The following MOV10L1 variants were observed in gnomAD, a reference collection of about 807,000 sequenced individuals.
The protein encoded by MOV10L1 is Mov10 like RNA helicase 1, also known as RNA helicase Mov10l1.
Under a neutral mutation model 143.8 loss-of-function variants are expected in MOV10L1, and 110 were observed. The ratio of observed to expected loss-of-function variants is 0.76; its 90% CI spans 0.66 to 0.90. MOV10L1 has a LOEUF of 0.90. MOV10L1 is among the 40% of genes least tolerant of loss of function. The pLI is 0.00. For synonymous variants in MOV10L1, 593 were observed against 581.1 expected, an observed-to-expected ratio of 1.02 and a Z score of -0.29; for missense variants, 1,406 against 1,526.8, an observed-to-expected ratio of 0.92 and a Z score of 1.32.
intron 2 of MOV10L1, among the ~76,000 whole-genome samples, chr22:50,096,833 T>C (rs1474066543): frequency 2.0e-5 from 3 of 152,196 alleles, no homozygotes; most frequent in Non-Finnish European, 2.9e-5. Context: ...TTAGGTTGTT[T>C]TCTTGTAGTA....
intron 22 of MOV10L1, among the ~76,000 whole-genome samples, chr22:50,157,006 C>T (rs8135747): frequency 0.044 from 6,695 of 152,260 alleles, 221 homozygotes; most frequent in African/African-American, 0.085. Context: ...TCCCCACATC[C>T]TCACCACCAC....
intron 1 of MOV10L1, among the ~76,000 whole-genome samples, chr22:50,091,701 A>G (rs917150340): frequency 2.0e-5 from 3 of 152,182 alleles, no homozygotes; most frequent in Non-Finnish European, 4.4e-5. Flanking sequence ...GGGTTACACC[A>G]ATGGCAGTAG....
chr22:50,108,614 A>T, intron 4 of MOV10L1, 43 bp from the exon 5 acceptor site: 1 of 1,606,152 alleles, frequency 6.2e-7, no homozygotes, highest in Middle Eastern at 1.7e-4. Context: ...CCCTGTCGTC[A>T]TGCAGCATCT....
chr22:50,153,301 G>A (rs2063344973), intron 22 of MOV10L1, 83 bp downstream of exon 22: 1 of 1,420,432 alleles, frequency 7.0e-7, no homozygotes, highest in Admixed American at 2.0e-5. Flanking sequence ...GTGAGGCTCT[G>A]TCACCTGCCT....
At chr22:50,126,646 T>C (rs1045889285) in intron 12 of MOV10L1, among the ~76,000 whole-genome samples, 2 of 152,152 alleles carry the variant, frequency 1.3e-5, no homozygotes, top group Admixed American at 1.3e-4. Context: ...TTTGAGTAGA[T>C]CCTGGTGCTC....
At chr22:50,090,845 T>A (rs1480570433) in intron 1 of MOV10L1, 1 of 292,034 alleles carries the variant, frequency 3.4e-6, no homozygotes, top group Non-Finnish European at 6.7e-6. Context: ...CCCGGCTAAT[T>A]TTTGTATTTT....
In MOV10L1 at chr22:50,125,494, A is replaced by C. The variant is rs1438636823; in HGVS notation, c.1672A>C (p.Ile558Leu). 17 of 1,614,102 alleles carry C rather than the reference A, an allele frequency of 1.1e-5. No homozygotes were observed. Among genetic ancestry groups the C allele is most frequent in the African/African-American group, 4.0e-5 (3 of 74,944 alleles). The change falls in exon 11 of 27, where the codon ATC (isoleucine) becomes CTC (leucine). Residue 558 changes from isoleucine to leucine, a missense_variant. Physicochemically the swap from Ile to Leu is conservative, Grantham distance 5. Coordinates refer to ENST00000262794, the MANE Select transcript of MOV10L1 (RefSeq NM_018995.3). ...ELKEYNMSGI[I>L]LRRNGDLLVL... ...GAAAGAGTATAACATGAGCGGGATC[A>C]TCTTAAGAAGGAATGGGGATCTGCT...
In MOV10L1 at chr22:50,160,654, A is replaced by G. The variant is rs372554774; in HGVS notation, c.3325-34A>G. On this transcript the variant is annotated intron_variant, in intron 24 of 26. Coordinates refer to ENST00000262794, the MANE Select transcript of MOV10L1 (RefSeq NM_018995.3). ...CTCTTCATGCCCCCCAAAAACTTCA[A>G]GTGCCATTTTTATTCATCTCTGTGT... 2.5e-6 allele frequency: 4 copies of G among 1,590,484 alleles called. No homozygotes were observed. In the African/African-American group the frequency reaches 5.4e-5, roughly 22 times the overall value.
intron 19 of MOV10L1, chr22:50,146,827 G>A (rs539517812): frequency 1.4e-4 from 66 of 482,930 alleles, no homozygotes; most frequent in Admixed American, 7.0e-4. Context: ...TCACATACAT[G>A]ATGTCCTTTC....
chr22:50,113,705 C>T lies in MOV10L1; in HGVS notation c.801C>T (p.Asn267=), dbSNP rs757890238. Residue 267 remains asparagine (N), a synonymous_variant, in exon 6 of 27, where the codon AAC becomes AAT. Coordinates refer to ENST00000262794, the MANE Select transcript of MOV10L1 (RefSeq NM_018995.3). ...TCTATGGAACGATTTTGCTGAAGAA[C>T]AAAGGTGATATTGAAGTTACACAGG... ...THFYGTILLK[N]KGDIEVTQVT... is the part of the protein sequence containing the mutation. 1 of 1,614,026 alleles carries T rather than the reference C, an allele frequency of 6.2e-7. No individual in the cohort carries two copies. The highest frequency in any genetic ancestry group is 8.5e-7 in the Non-Finnish European group (1 of 1,180,000).
At chr22:50,114,237 T>C (rs1006129128) in intron 6 of MOV10L1, 144 bp from the exon 7 acceptor site, 10 of 1,046,654 alleles carry the variant, frequency 9.6e-6, no homozygotes, top group Non-Finnish European at 1.3e-5. Context: ...TTCAAAATTT[T>C]TTACCCAAAA....
At chr22:50,092,218 C>T in intron 2 of MOV10L1, 33 bp downstream of exon 2, 1 of 1,587,218 alleles carries the variant, frequency 6.3e-7, no homozygotes, top group South Asian at 1.1e-5. Flanking sequence ...AACAGTTTTT[C>T]TTCGCCACGG....
At chr22:50,090,672 G>A in intron 1 of MOV10L1, 1 of 892,822 alleles carries the variant, frequency 1.1e-6, no homozygotes, top group East Asian at 2.7e-5. Flanking sequence ...TTCTCCTGAG[G>A]TGTTTGTGTG....
intron 15 of MOV10L1, among the ~76,000 whole-genome samples, chr22:50,139,670 A>G (rs939167412): frequency 6.6e-6 from 1 of 152,244 alleles, no homozygotes; most frequent in Non-Finnish European, 1.5e-5. Flanking sequence ...AGTACTCTAC[A>G]AACTGCCTAA....
intron 18 of MOV10L1, among the ~76,000 whole-genome samples, chr22:50,144,808 C>G (rs1254351027): frequency 6.6e-6 from 1 of 152,056 alleles, no homozygotes; most frequent in African/African-American, 2.4e-5. Context: ...GTCTCGATCT[C>G]CTGACCTCAT....
chr22:50,101,986 A>G (rs1055125050), intron 3 of MOV10L1, among the ~76,000 whole-genome samples: 1 of 152,214 alleles, frequency 6.6e-6, no homozygotes, highest in African/African-American at 2.4e-5. Flanking sequence ...TCGCCAGGAA[A>G]TGGCTCAAGA....
At chr22:50,113,858 CT>C (rs1276707971) in intron 6 of MOV10L1, 70 bp downstream of exon 6, 5 of 1,292,024 alleles carry the variant, frequency 3.9e-6, no homozygotes, top group Non-Finnish European at 5.0e-6. Context: ...TCAATAATTT[CT>C]GTAAAACCAA....
chr22:50,133,468 A>C (rs9617038), intron 13 of MOV10L1, among the ~76,000 whole-genome samples: 1 of 149,692 alleles, frequency 6.7e-6, no homozygotes, highest in Non-Finnish European at 1.5e-5. Flanking sequence ...AAAAAAAAAA[A>C]AAAGAAAGAA....
intron 3 of MOV10L1, among the ~76,000 whole-genome samples, chr22:50,101,325 C>G (rs1033908495): frequency 1.3e-5 from 2 of 152,206 alleles, no homozygotes; most frequent in African/African-American, 4.8e-5. Context: ...ATGCCATTCT[C>G]CTGCCTCAGC....
Sources: allele counts gnomAD v4.1 joint callset (sites outside exome capture counted in the v4.1 genomes callset), GRCh38; gene constraint gnomAD v4.1.1; transcripts MANE v1.5; gene names NCBI Gene and HGNC (gene_info 2026-07-23, HGNC 2026-07-21).